CDK8: variants seen among roughly 807,000 people sequenced by gnomAD.
CDK8 encodes cyclin-dependent kinase 8.
A neutral mutation model predicts 71.5 loss-of-function variants in CDK8; 29 were observed. That is an observed-to-expected ratio of 0.41 (90% CI 0.30 to 0.55). CDK8 has a LOEUF of 0.55. Ranked by LOEUF, CDK8 falls within the 20% of genes least tolerant of loss-of-function variation. CDK8 has a pLI of 0.37. For synonymous variants in CDK8, 161 were observed against 192.1 expected, an observed-to-expected ratio of 0.84 and a Z score of 1.34; for missense variants, 288 against 572.6, an observed-to-expected ratio of 0.50 and a Z score of 5.07.
chr13:26,265,787 A>G (rs1399925205), intron 1 of CDK8, among the ~76,000 whole-genome samples: 1 of 152,154 alleles, frequency 6.6e-6, no homozygotes, highest in Non-Finnish European at 1.5e-5. Context: ...AAGTAAGCAG[A>G]TTGTTGTAAA....
intron 1 of CDK8, among the ~76,000 whole-genome samples, chr13:26,280,190 C>T (rs546728012): frequency 7.2e-5 from 11 of 152,212 alleles, no homozygotes; most frequent in Admixed American, 2.6e-4. Flanking sequence ...AAATTTTCAG[C>T]GAGAATACTT....
At chr13:26,347,334 C>T (rs1417282012) in intron 2 of CDK8, among the ~76,000 whole-genome samples, 1 of 152,088 alleles carries the variant, frequency 6.6e-6, no homozygotes, top group Non-Finnish European at 1.5e-5. Context: ...AAATTAGGTG[C>T]TGTATCTCAC....
chr13:26,291,843 C>T (rs1336175727), intron 1 of CDK8, among the ~76,000 whole-genome samples: 2 of 152,100 alleles, frequency 1.3e-5, no homozygotes, highest in African/African-American at 4.8e-5. Context: ...TTCCCATTAC[C>T]TCTCTCTTGT....
At chr13:26,270,626 G>A (rs974797502) in intron 1 of CDK8, among the ~76,000 whole-genome samples, 28 of 152,006 alleles carry the variant, frequency 1.8e-4, no homozygotes, top group East Asian at 9.7e-4. Flanking sequence ...TATAAATGAC[G>A]AAATCATACA....
At chr13:26,336,103 C>G (rs1872967816) in intron 1 of CDK8, among the ~76,000 whole-genome samples, 1 of 143,378 alleles carries the variant, frequency 7.0e-6, no homozygotes, top group South Asian at 2.3e-4. Flanking sequence ...CTGCACCTCT[C>G]TTAACTAATA....
chr13:26,354,747 G>A (rs184165545), intron 4 of CDK8, among the ~76,000 whole-genome samples: 21 of 152,166 alleles, frequency 1.4e-4, no homozygotes, highest in African/African-American at 4.1e-4. Flanking sequence ...CTCCCACCCC[G>A]CTCCGTGGAA....
At chr13:26,316,439 C>T (rs538595068) in intron 1 of CDK8, among the ~76,000 whole-genome samples, 16 of 152,212 alleles carry the variant, frequency 1.1e-4, no homozygotes, top group Admixed American at 9.8e-4. Flanking sequence ...TGTTGCAAAC[C>T]CCTTTCCCTC....
At chr13:26,367,577 G>A (rs538947443) in intron 4 of CDK8, among the ~76,000 whole-genome samples, 2 of 152,270 alleles carry the variant, frequency 1.3e-5, no homozygotes, top group East Asian at 1.9e-4. Context: ...AGAGATTGAT[G>A]TGAAGACTGG....
At position 26,404,221 on chromosome 13, in the gene CDK8, C is replaced by A; in HGVS notation, c.*140C>A. 2 of 970,566 alleles carry A rather than the reference C, an allele frequency of 2.1e-6. No individual in the cohort carries two copies. The highest frequency in any genetic ancestry group is 1.7e-5 in the South Asian group (1 of 57,144). The allele number at this position is 970,566 out of a possible 1,614,324, so 60.1% of individuals were successfully genotyped here. On this transcript the variant is annotated 3_prime_UTR_variant, in exon 13 of 13. Transcript: ENST00000381527. ...AATGTCCAGTAGCCAAGTTCCACCA[C>A]TTTTCACAGATTGGGGTAGTGGCTT...
At chr13:26,360,232 G>A (rs1253829467) in intron 4 of CDK8, among the ~76,000 whole-genome samples, 1 of 152,146 alleles carries the variant, frequency 6.6e-6, no homozygotes, top group African/African-American at 2.4e-5. Context: ...AAAGTAGGAG[G>A]ATTGTTTGAG....
chr13:26,260,974 T>C (rs902006743), intron 1 of CDK8, among the ~76,000 whole-genome samples: 1 of 152,216 alleles, frequency 6.6e-6, no homozygotes, highest in Non-Finnish European at 1.5e-5. Context: ...AAACTCCTAC[T>C]ATCCTTTCCT....
chr13:26,264,039 T>G (rs1013668362), intron 1 of CDK8, among the ~76,000 whole-genome samples: 4 of 152,118 alleles, frequency 2.6e-5, no homozygotes, highest in East Asian at 1.9e-4. Flanking sequence ...GAGCCACCGC[T>G]CCCAGCCAAG....
At chr13:26,326,190 T>C (rs1419842454) in intron 1 of CDK8, among the ~76,000 whole-genome samples, 5 of 152,210 alleles carry the variant, frequency 3.3e-5, no homozygotes. Flanking sequence ...AAAGAGTTGC[T>C]TAGTAGTTAA....
intron 1 of CDK8, among the ~76,000 whole-genome samples, chr13:26,316,095 A>C (rs555905743): frequency 1.3e-4 from 20 of 152,328 alleles, no homozygotes; most frequent in African/African-American, 4.8e-4. Context: ...ACGTTGGATC[A>C]TGCCTGCAAT....
chr13:26,255,502 G>A (rs1388276269), intron 1 of CDK8, among the ~76,000 whole-genome samples: 2 of 152,124 alleles, frequency 1.3e-5, no homozygotes, highest in South Asian at 2.1e-4. Context: ...TTCTTCCCTA[G>A]TAACAACTTA....
intron 1 of CDK8, among the ~76,000 whole-genome samples, chr13:26,261,112 A>T (rs568745095): frequency 6.6e-6 from 1 of 152,334 alleles, no homozygotes; most frequent in Admixed American, 6.5e-5. Context: ...TGTCACTAAA[A>T]GGTGGCTTTT....
intron 1 of CDK8, among the ~76,000 whole-genome samples, chr13:26,320,696 A>G (rs1444779160): frequency 2.0e-5 from 3 of 152,222 alleles, no homozygotes; most frequent in African/African-American, 4.8e-5. Flanking sequence ...AAACAACTTG[A>G]TTCAAAAATT....
intron 1 of CDK8, among the ~76,000 whole-genome samples, chr13:26,317,840 CAAG>C (rs1313419260): frequency 6.6e-6 from 1 of 151,858 alleles, no homozygotes; most frequent in Non-Finnish European, 1.5e-5. Flanking sequence ...CCTTAAAAAA[CAAG>C]AAAGATCTTA....
chr13:26,285,033 G>A (rs1593238685), intron 1 of CDK8, among the ~76,000 whole-genome samples: 1 of 151,954 alleles, frequency 6.6e-6, no homozygotes, highest in Non-Finnish European at 1.5e-5. Context: ...GAGATCAGGA[G>A]TTTGAGACCA....
Sources: gnomAD v4.1 joint callset for allele counts (sites outside exome capture counted in the v4.1 genomes callset) on GRCh38, gnomAD v4.1.1 for gene constraint, MANE v1.5 for transcripts, NCBI Gene and HGNC (gene_info 2026-07-23, HGNC 2026-07-21) for gene names.